The following CRY1 variants were observed in gnomAD, a reference collection of about 807,000 sequenced individuals.
CRY1 encodes the protein cryptochrome circadian regulator 1, also known as cryptochrome-1.
CRY1 carries 45 observed loss-of-function variants against 76.0 expected under a neutral mutation model. The ratio of observed to expected loss-of-function variants is 0.59; its 90% CI spans 0.47 to 0.76. The LOEUF is 0.76. Among genes scored for constraint, CRY1 ranks in the 30% least tolerant of loss-of-function variants. The pLI, the probability that CRY1 is intolerant of heterozygous loss-of-function variation, is 0.00. For missense variants in CRY1, 587 were observed against 716.4 expected (o/e 0.82, Z 2.06); for synonymous variants, 248 against 244.0 (o/e 1.02, Z -0.15).
chr12:107,089,509 T>A (rs1460830400), intron 1 of CRY1, among the ~76,000 whole-genome samples: 1 of 152,132 alleles, frequency 6.6e-6, no homozygotes, highest in Non-Finnish European at 1.5e-5. Flanking sequence ...CAAACTTTTT[T>A]TTTTTAAATA....
chr12:107,009,832 G>A (rs1480464967), intron 2 of CRY1, among the ~76,000 whole-genome samples: 1 of 151,658 alleles, frequency 6.6e-6, no homozygotes, highest in African/African-American at 2.4e-5. Context: ...GGGACACTTG[G>A]CTATACTTTT....
At chr12:107,034,328 A>T (rs1296411134) in intron 1 of CRY1, among the ~76,000 whole-genome samples, 3 of 152,126 alleles carry the variant, frequency 2.0e-5, no homozygotes, top group Non-Finnish European at 4.4e-5. Context: ...TTCACTTCTG[A>T]CAACTCCCCA....
chr12:107,030,338 C>T (rs571233475), intron 1 of CRY1, among the ~76,000 whole-genome samples: 1 of 152,244 alleles, frequency 6.6e-6, no homozygotes, highest in East Asian at 1.9e-4. Flanking sequence ...TTTCCATACC[C>T]AGGTAAACAA....
rs1468272072 is a variant in CRY1, at chr12:107,026,145, CAT to C, written c.159-3955_159-3954del. ...ATTATATATAATTACATATATATTA[CAT>C]ATATATATAAAATATATATATATAT... On this transcript the variant is annotated intron_variant, in intron 1 of 12. Transcript: ENST00000008527. Among the ~76,000 whole-genome samples the C allele has an allele frequency of 2.3e-4, 15 of 66,088 alleles. 2 individuals carry two copies. The highest frequency in any genetic ancestry group is 6.0e-4 in the African/African-American group (8 of 13,308). 43.4% of individuals were successfully genotyped at this position (66,088 alleles called of 152,430 possible).
chr12:107,028,922 G>C (rs1488781723), intron 1 of CRY1, among the ~76,000 whole-genome samples: 1 of 152,128 alleles, frequency 6.6e-6, no homozygotes, highest in Non-Finnish European at 1.5e-5. Flanking sequence ...GGGAAACTCA[G>C]TGTATATTAA....
intron 10 of CRY1, 85 bp from the exon 11 acceptor site, chr12:106,993,121 C>T (rs934996542): frequency 4.7e-6 from 6 of 1,285,152 alleles, no homozygotes; most frequent in Non-Finnish European, 6.7e-6. Context: ...CAACTTTTAG[C>T]GCTTGTACTT....
intron 1 of CRY1, among the ~76,000 whole-genome samples, chr12:107,025,142 C>T (rs1249195092): frequency 1.3e-5 from 2 of 152,258 alleles, no homozygotes; most frequent in East Asian, 3.9e-4. Flanking sequence ...AATCATATCT[C>T]CCCGTTAGGG....
At chr12:107,022,063 T>C in intron 2 of CRY1, 21 bp downstream of exon 2, 2 of 1,523,452 alleles carry the variant, frequency 1.3e-6, no homozygotes, top group Non-Finnish European at 9.1e-7. Flanking sequence ...GATTGTTTTA[T>C]GCAAATATTT....
rs1045768316 is a variant in CRY1, at chr12:106,997,690, C to T, written c.1290G>A (p.Arg430=). 3.7e-6 allele frequency: 6 copies of T among 1,613,330 alleles called. No homozygotes were observed. Among genetic ancestry groups the T allele is most frequent in the East Asian group, 2.2e-5 (1 of 44,862 alleles). Reference sequence around the variant, plus strand: ...AGCCTCTTAGGACAGGCAAATAACGCCTTTGGGAGAAAAAAGAAAGATTAC... The same window carrying T: ...AGCCTCTTAGGACAGGCAAATAACGTCTTTGGGAGAAAAAAGAAAGATTAC... ...RRTDPNGDYI[R]RYLPVLRGFP... is the part of the protein sequence containing the mutation. The change falls in exon 9 of 13, where the codon AGG becomes AGA. Residue 430 remains arginine, a splice_region_variant and synonymous_variant. Coordinates refer to ENST00000008527, the MANE Select transcript of CRY1 (RefSeq NM_004075.5).
At chr12:107,091,326 CCTAA>C (rs1197932667) in intron 1 of CRY1, among the ~76,000 whole-genome samples, 1 of 152,132 alleles carries the variant, frequency 6.6e-6, no homozygotes, top group Non-Finnish European at 1.5e-5. Context: ...CCGCGCCCAG[CCTAA>C]CTCCTTTTCT....
At chr12:107,031,819 G>T (rs1299393637) in intron 1 of CRY1, among the ~76,000 whole-genome samples, 3 of 152,180 alleles carry the variant, frequency 2.0e-5, no homozygotes, top group Admixed American at 2.0e-4. Flanking sequence ...AGGAGACAAA[G>T]GAGACGTATG....
chr12:107,003,257 A>T (rs920416805), intron 3 of CRY1, among the ~76,000 whole-genome samples: 2 of 152,194 alleles, frequency 1.3e-5, no homozygotes, highest in Non-Finnish European at 2.9e-5. Flanking sequence ...ATTATTAATT[A>T]AAAAAATAAC....
chr12:107,048,806 A>G (rs1160181865), intron 1 of CRY1, among the ~76,000 whole-genome samples: 1 of 152,198 alleles, frequency 6.6e-6, no homozygotes, highest in African/African-American at 2.4e-5. Flanking sequence ...ATTGTATTCA[A>G]TTTTTGAAAA....
intron 1 of CRY1, among the ~76,000 whole-genome samples, chr12:107,038,238 A>G (rs1350039408): frequency 6.6e-6 from 1 of 152,256 alleles, no homozygotes; most frequent in Non-Finnish European, 1.5e-5. Context: ...TCTGGAGTTC[A>G]TGGTAGAAGG....
At chr12:107,023,967 A>T (rs1026992155) in intron 1 of CRY1, among the ~76,000 whole-genome samples, 1 of 152,222 alleles carries the variant, frequency 6.6e-6, no homozygotes, top group Admixed American at 6.5e-5. Flanking sequence ...ATTGGGAAGC[A>T]TCTAATTTTA....
intron 1 of CRY1, among the ~76,000 whole-genome samples, chr12:107,048,332 G>A (rs770769493): frequency 2.6e-5 from 4 of 152,010 alleles, no homozygotes; most frequent in African/African-American, 4.8e-5. Flanking sequence ...CACCCACCTC[G>A]GCCTCCCAAA....
At chr12:107,000,698 G>A (rs1236487229) in intron 5 of CRY1, among the ~76,000 whole-genome samples, 1 of 151,876 alleles carries the variant, frequency 6.6e-6, no homozygotes, top group Non-Finnish European at 1.5e-5. Flanking sequence ...CACCCAGGCT[G>A]GAGTACAGTG....
intron 2 of CRY1, among the ~76,000 whole-genome samples, chr12:107,007,315 T>C (rs2136828721): frequency 6.6e-6 from 1 of 152,296 alleles, no homozygotes; most frequent in African/African-American, 2.4e-5. Flanking sequence ...TCTCCATGCC[T>C]GTTTCCTAGT....
At chr12:106,992,729 T>C in intron 12 of CRY1, 58 bp downstream of exon 12, 1 of 1,348,662 alleles carries the variant, frequency 7.4e-7, no homozygotes, top group Non-Finnish European at 1.0e-6. Context: ...GAAATTATCT[T>C]AATTTATGTT....
Sources: allele counts gnomAD v4.1 joint callset (sites outside exome capture counted in the v4.1 genomes callset), GRCh38; gene constraint gnomAD v4.1.1; transcripts MANE v1.5; gene names NCBI Gene and HGNC (gene_info 2026-07-23, HGNC 2026-07-21).